Variants in CRPPA observed in about 807,000 individuals in gnomAD.
CRPPA encodes D-ribitol-5-phosphate cytidylyltransferase.
A neutral mutation model predicts 52.0 loss-of-function variants in CRPPA; 43 were observed. That is an observed-to-expected ratio of 0.83 (90% CI 0.65 to 1.07). The LOEUF is 1.07. CRPPA is among the 50% of genes least tolerant of loss of function. CRPPA has a pLI of 0.00. For missense variants in CRPPA, 629 were observed against 551.7 expected, an observed-to-expected ratio of 1.14 and a Z score of -1.40; for synonymous variants, 250 against 203.5, an observed-to-expected ratio of 1.23 and a Z score of -1.94.
chr7:16,178,048 G>T (rs1347324816), intron 9 of CRPPA, among the ~76,000 whole-genome samples: 2 of 141,774 alleles, frequency 1.4e-5, no homozygotes, highest in African/African-American at 5.2e-5. Context: ...CTTGGCTGTT[G>T]TCTAAAAGAA....
intron 2 of CRPPA, among the ~76,000 whole-genome samples, chr7:16,387,041 AAAG>A (rs1393178164): frequency 3.2e-5 from 3 of 95,136 alleles, no homozygotes; most frequent in Non-Finnish European, 4.4e-5. Context: ...AAAATAAAAA[AAAG>A]ATATATATAT....
chr7:16,392,647 T>C (rs1006215368), intron 2 of CRPPA, among the ~76,000 whole-genome samples: 4 of 152,178 alleles, frequency 2.6e-5, no homozygotes, highest in Admixed American at 6.5e-5. Flanking sequence ...CTCATCTCAG[T>C]TACTTGATGA....
intron 2 of CRPPA, among the ~76,000 whole-genome samples, chr7:16,384,164 G>C (rs946059173): frequency 3.9e-5 from 6 of 152,110 alleles, no homozygotes; most frequent in African/African-American, 1.4e-4. Context: ...GGCCACTCAT[G>C]ATGCAGTTAG....
chr7:16,228,575 A>G (rs1583448472), intron 8 of CRPPA, among the ~76,000 whole-genome samples: 1 of 151,870 alleles, frequency 6.6e-6, no homozygotes, highest in Non-Finnish European at 1.5e-5. Flanking sequence ...GGTCAGGAGG[A>G]TGTTTAATTT....
chr7:16,101,797 A>C (rs1212838978), intron 9 of CRPPA, among the ~76,000 whole-genome samples: 1 of 152,184 alleles, frequency 6.6e-6, no homozygotes, highest in Non-Finnish European at 1.5e-5. Context: ...CTGCTCACGG[A>C]AATAAGAGAG....
At chr7:16,290,328 A>G (rs1309061409) in intron 5 of CRPPA, among the ~76,000 whole-genome samples, 6 of 152,138 alleles carry the variant, frequency 3.9e-5, no homozygotes, top group African/African-American at 1.4e-4. Context: ...GAACCACAAT[A>G]GATCCCAAAT....
chr7:16,307,915 GA>G (rs34460874), intron 4 of CRPPA, among the ~76,000 whole-genome samples: 24,761 of 131,040 alleles, frequency 0.19, 3,700 homozygotes, highest in African/African-American at 0.44. Context: ...ACTGAGTGAA[GA>G]AAAAAAAAAA....
intron 1 of CRPPA, among the ~76,000 whole-genome samples, chr7:16,418,301 G>A (rs1159271969): frequency 6.6e-6 from 1 of 152,198 alleles, no homozygotes; most frequent in Non-Finnish European, 1.5e-5. Context: ...TGAAAATTTT[G>A]ATGAGTTACT....
intron 3 of CRPPA, among the ~76,000 whole-genome samples, chr7:16,334,211 G>A (rs182444499): frequency 1.5e-4 from 23 of 152,266 alleles, no homozygotes; most frequent in African/African-American, 4.8e-4. Context: ...GCAGCTTCCC[G>A]CATAGCCCAG....
chr7:16,259,039 C>G, intron 6 of CRPPA, 27 bp from the exon 7 acceptor site: 1 of 1,486,770 alleles, frequency 6.7e-7, no homozygotes, highest in South Asian at 1.2e-5. Flanking sequence ...GAAATGAATT[C>G]ACAAATTAGA....
chr7:16,284,490 G>A (rs1271199974), intron 5 of CRPPA, among the ~76,000 whole-genome samples: 1 of 151,898 alleles, frequency 6.6e-6, no homozygotes, highest in East Asian at 1.9e-4. Context: ...AACTTTGTCC[G>A]TGCAAAATAT....
intron 3 of CRPPA, among the ~76,000 whole-genome samples, chr7:16,372,379 T>A (rs10265437): frequency 0.02 from 3,085 of 152,278 alleles, 98 homozygotes; most frequent in African/African-American, 0.069. Context: ...GCCAGAGGGA[T>A]TGGGGTCCTA....
At chr7:16,303,341 C>A (rs1198981360) in intron 4 of CRPPA, among the ~76,000 whole-genome samples, 2 of 151,844 alleles carry the variant, frequency 1.3e-5, no homozygotes, top group African/African-American at 2.4e-5. Flanking sequence ...AGTTTCTGTA[C>A]AAATCTAGTA....
chr7:16,235,102 T>C (rs1782911103), intron 8 of CRPPA, among the ~76,000 whole-genome samples: 1 of 151,980 alleles, frequency 6.6e-6, no homozygotes. Flanking sequence ...ATCTGAAAGT[T>C]TTCAATAAGG....
chr7:16,196,280 C>G (rs1781731587), intron 9 of CRPPA, among the ~76,000 whole-genome samples: 1 of 152,108 alleles, frequency 6.6e-6, no homozygotes, highest in Admixed American at 6.6e-5. Context: ...GGGTTCCTCA[C>G]TAGCATATGA....
In CRPPA at chr7:16,376,131, T is replaced by C. The variant is rs532057629; in HGVS notation, c.645A>G (p.Gln215=). The C allele has an allele frequency of 8.8e-5, 141 of 1,610,910 alleles. No individual in the cohort carries two copies. In the South Asian group the frequency reaches 1.2e-3, roughly 13 times the overall value. Residue 215 remains glutamine (Q), a synonymous_variant, in exon 3 of 10, where the codon CAA becomes CAG. Transcript: ENST00000407010. ...CATAAATCACATCAAATAGAAAAGC[T>C]TGGGGCATTTCACTTGCTCTGTGTC... is the stretch of plus-strand genomic sequence containing the variant. The part of the protein sequence containing the change: ...RARHRASEMP[Q]AFLFDVIYEA...
intron 9 of CRPPA, among the ~76,000 whole-genome samples, chr7:16,183,037 C>T (rs181120771): frequency 2.0e-4 from 30 of 152,234 alleles, no homozygotes; most frequent in Non-Finnish European, 3.8e-4. Context: ...AAGTTCTTTA[C>T]AATCAGAGCA....
chr7:16,340,617 AAAAAAAAAAC>A (rs1182027048), intron 3 of CRPPA, among the ~76,000 whole-genome samples: 7 of 42,392 alleles, frequency 1.7e-4, no homozygotes, highest in Non-Finnish European at 3.1e-4. Flanking sequence ...AAAAAAAAAG[AAAAAAAAAAC>A]GAAAAAACCA....
At chr7:16,373,796 A>C (rs545800639) in intron 3 of CRPPA, among the ~76,000 whole-genome samples, 1 of 152,372 alleles carries the variant, frequency 6.6e-6, no homozygotes, top group South Asian at 2.1e-4. Flanking sequence ...GAGATAAGCC[A>C]GAAGAAACAG....
Sources: allele counts gnomAD v4.1 joint callset (sites outside exome capture counted in the v4.1 genomes callset), GRCh38; gene constraint gnomAD v4.1.1; transcripts MANE v1.5; gene names NCBI Gene and HGNC (gene_info 2026-07-23, HGNC 2026-07-21).